Variants in ACSF2 observed in about 807,000 individuals in gnomAD.
The protein encoded by ACSF2 is acyl-CoA synthetase family member 2.
In ACSF2, 52 loss-of-function variants were observed where a neutral mutation model predicts 79.3. The ratio of observed to expected loss-of-function variants is 0.66; its 90% CI spans 0.53 to 0.83. The LOEUF (loss-of-function observed/expected upper bound fraction) is 0.83, where lower values mean the gene tolerates loss of function less well. Among genes scored for constraint, ACSF2 ranks in the 40% least tolerant of loss-of-function variants. ACSF2 has a pLI of 0.00. For synonymous variants in ACSF2, 283 were observed against 312.6 expected (o/e 0.91, Z 1.00); for missense variants, 661 against 803.3 (o/e 0.82, Z 2.14).
At chr17:50,437,950 C>T (rs1327411772) in intron 1 of ACSF2, among the ~76,000 whole-genome samples, 1 of 152,128 alleles carries the variant, frequency 6.6e-6, no homozygotes, top group African/African-American at 2.4e-5. Context: ...ATTGAAGTCC[C>T]TTTTCTGTCC....
intron 1 of ACSF2, among the ~76,000 whole-genome samples, chr17:50,429,613 G>A (rs1257135819): frequency 6.6e-6 from 1 of 151,654 alleles, no homozygotes; most frequent in African/African-American, 2.4e-5. Context: ...TCCGCCTCCT[G>A]GGTTCAAGCA....
At position 50,471,311 on chromosome 17, in the gene ACSF2, C is replaced by G; in HGVS notation, c.1323+176C>G. ...CCCGGAGTGTTCTCTGTGGGCTAAG[C>G]ATGAAAGGGGAAGAGCTGGAACAGT... On this transcript the variant is annotated intron_variant, in intron 11 of 15. Transcript: ENST00000300441. This position sits in a 1 kb window ranked among gnomAD's most constrained non-coding sequence, Gnocchi z 4.1. The G allele has an allele frequency of 1.7e-6, 1 of 590,592 alleles. No homozygotes were observed. Among genetic ancestry groups the G allele is most frequent in the Admixed American group, 2.9e-5 (1 of 34,204 alleles). The allele number at this position is 590,592 out of a possible 1,614,324, so 36.6% of individuals were successfully genotyped here.
At chr17:50,472,762 G>T (rs1598438981) in intron 12 of ACSF2, 183 bp downstream of exon 12, 1 of 630,344 alleles carries the variant, frequency 1.6e-6, no homozygotes, top group East Asian at 3.5e-5. Context: ...ACAGAAGAAA[G>T]CAACTGGGTC....
At chr17:50,466,940 G>A (rs1364027544) in intron 10 of ACSF2, among the ~76,000 whole-genome samples, 2 of 152,188 alleles carry the variant, frequency 1.3e-5, no homozygotes, top group African/African-American at 2.4e-5. Flanking sequence ...GCTTGAGCAG[G>A]CTCCTTCCAC....
At chr17:50,427,026 C>T (rs1167645403) in intron 1 of ACSF2, 3 of 1,522,196 alleles carry the variant, frequency 2.0e-6, no homozygotes, top group Non-Finnish European at 2.6e-6. Context: ...GGGAGGACCC[C>T]GTGAGATGGC....
At chr17:50,437,263 CAA>C (rs2030506978) in intron 1 of ACSF2, among the ~76,000 whole-genome samples, 1 of 152,222 alleles carries the variant, frequency 6.6e-6, no homozygotes, top group Non-Finnish European at 1.5e-5. Flanking sequence ...AGCTATAACA[CAA>C]GAGTGAATAT....
intron 10 of ACSF2, chr17:50,464,779 G>GT: frequency 4.6e-5 from 12 of 259,840 alleles, no homozygotes; most frequent in Admixed American, 1.1e-4. Flanking sequence ...TGGGGGGGGG[G>GT]TCTCAGCAAC....
At chr17:50,432,246 G>A (rs575422443) in intron 1 of ACSF2, among the ~76,000 whole-genome samples, 1 of 152,280 alleles carries the variant, frequency 6.6e-6, no homozygotes, top group Non-Finnish European at 1.5e-5. Context: ...AGGGTTAAAT[G>A]AGGTCCCATA....
chr17:50,437,196 G>A (rs181961505), intron 1 of ACSF2, among the ~76,000 whole-genome samples: 26 of 152,314 alleles, frequency 1.7e-4, no homozygotes, highest in Non-Finnish European at 3.2e-4. Flanking sequence ...CAAGGGAGAC[G>A]GGAAGGGAGA....
At chr17:50,436,421 G>A (rs534316537) in intron 1 of ACSF2, among the ~76,000 whole-genome samples, 9 of 151,072 alleles carry the variant, frequency 6.0e-5, no homozygotes, top group African/African-American at 2.2e-4. Context: ...GAGCCACCAC[G>A]CCCGGCCTGT....
chr17:50,468,397 G>A, intron 10 of ACSF2: 1 of 1,614,222 alleles, frequency 6.2e-7, no homozygotes, highest in Non-Finnish European at 8.5e-7. Context: ...GCAACCCCCG[G>A]GGCAGCTCAG....
At chr17:50,446,226 A>G (rs990241841) in intron 1 of ACSF2, among the ~76,000 whole-genome samples, 1 of 151,472 alleles carries the variant, frequency 6.6e-6, no homozygotes, top group Admixed American at 6.6e-5. Flanking sequence ...TTATGACTAC[A>G]TTGGCAGTAG....
intron 1 of ACSF2, among the ~76,000 whole-genome samples, chr17:50,436,298 T>C (rs1184997738): frequency 6.6e-6 from 1 of 151,466 alleles, no homozygotes; most frequent in Admixed American, 6.6e-5. Context: ...CCTGGCTAAT[T>C]TTTTGTATTT....
At chr17:50,464,096 G>T in intron 9 of ACSF2, 122 bp from the exon 10 acceptor site, 1 of 1,289,308 alleles carries the variant, frequency 7.8e-7, no homozygotes. Context: ...GCTGCCAGGT[G>T]TAGGAAAGGC....
At position 50,474,225 on chromosome 17, in the gene ACSF2, C is replaced by T; in HGVS notation, c.1755C>T (p.Tyr585=). The part of the protein sequence containing the change: ...GKISHFKIPK[Y]IVFVTNYPLT... Reference sequence around the variant, plus strand: ...TCTCTCACTTCAAGATTCCGAAGTACATCGTGTTTGTCACAAACTACCCCC... The same window carrying T: ...TCTCTCACTTCAAGATTCCGAAGTATATCGTGTTTGTCACAAACTACCCCC... Residue 585 remains tyrosine (Y), a synonymous_variant, in exon 15 of 16, where the codon TAC becomes TAT. Transcript: ENST00000300441. The surrounding 1 kb of genome is among the most constrained non-coding windows in gnomAD (Gnocchi z 4.2). 3 of 1,614,240 alleles carry T rather than the reference C, an allele frequency of 1.9e-6. No individual in the cohort carries two copies. The highest frequency in any genetic ancestry group is 2.5e-6 in the Non-Finnish European group (3 of 1,180,046).
chr17:50,454,359 A>G (rs1448575813), intron 1 of ACSF2, among the ~76,000 whole-genome samples: 1 of 151,922 alleles, frequency 6.6e-6, no homozygotes, highest in African/African-American at 2.4e-5. Context: ...ATATCCCAAA[A>G]TAAATAATTT....
chr17:50,461,019 C>G, intron 2 of ACSF2, 147 bp downstream of exon 2: 16 of 1,157,114 alleles, frequency 1.4e-5, no homozygotes, highest in Non-Finnish European at 1.8e-5. Flanking sequence ...GAGAAGGAGA[C>G]AGGACTGACG....
chr17:50,460,507 T>C, intron 1 of ACSF2, 170 bp from the exon 2 acceptor site: 2 of 639,592 alleles, frequency 3.1e-6, no homozygotes, highest in South Asian at 2.0e-5. Context: ...AGGCTTGAGG[T>C]TGGGAAAAGG....
intron 1 of ACSF2, among the ~76,000 whole-genome samples, chr17:50,437,604 C>G (rs114537058): frequency 2.6e-5 from 4 of 151,642 alleles, no homozygotes; most frequent in African/African-American, 9.7e-5. Context: ...TGCAGTGGGC[C>G]GTGATCACGC....
Sources: gnomAD v4.1 joint callset for allele counts (sites outside exome capture counted in the v4.1 genomes callset) on GRCh38, gnomAD v4.1.1 for gene constraint, Gnocchi (gnomAD v3.1) non-coding constraint, MANE v1.5 for transcripts, NCBI Gene and HGNC (gene_info 2026-07-23, HGNC 2026-07-21) for gene names.